Variants in NFYC observed in about 807,000 individuals in gnomAD.
NFYC encodes the protein nuclear transcription factor Y subunit gamma, also known as CAAT box DNA-binding protein subunit C.
Under a neutral mutation model 53.1 loss-of-function variants are expected in NFYC, and 25 were observed. That is an observed-to-expected ratio of 0.47 (90% confidence interval 0.34 to 0.66). The LOEUF (loss-of-function observed/expected upper bound fraction) is 0.66. Ranked by LOEUF, NFYC falls within the 30% of genes least tolerant of loss-of-function variation. NFYC has a pLI of 0.01. For missense variants in NFYC, 260 were observed against 422.7 expected (o/e 0.62, Z 3.38); for synonymous variants, 145 against 152.6 (o/e 0.95, Z 0.37).
At chr1:40,754,491 G>A (rs555768758) in intron 5 of NFYC, 3 of 518,778 alleles carry the variant, frequency 5.8e-6, no homozygotes, top group South Asian at 4.3e-5. Context: ...TTGCAGGTTT[G>A]TGCCCACAGG....
At chr1:40,735,014 T>C (rs1287070271) in intron 1 of NFYC, 2 of 152,116 alleles carry the variant, frequency 1.3e-5, no homozygotes, top group Non-Finnish European at 2.9e-5. Context: ...TGTCCAAAGA[T>C]GGGAAAGAAT....
intron 2 of NFYC, among the ~76,000 whole-genome samples, chr1:40,745,931 A>G (rs1224188017): frequency 1.3e-5 from 2 of 151,898 alleles, no homozygotes; most frequent in Non-Finnish European, 2.9e-5. Context: ...CTGGTCTCAA[A>G]CTCCTGGCCT....
intron 8 of NFYC, chr1:40,767,259 A>C: frequency 5.0e-6 from 2 of 403,018 alleles, no homozygotes; most frequent in Non-Finnish European, 9.3e-6. Context: ...CTTGCAGAAG[A>C]TGGGGGGTGC....
chr1:40,764,709 A>G (rs1646729855), intron 7 of NFYC, among the ~76,000 whole-genome samples: 1 of 152,178 alleles, frequency 6.6e-6, no homozygotes, highest in Non-Finnish European at 1.5e-5. Context: ...CCTAATAGTG[A>G]TGAGCTTCAG....
chr1:40,769,411 G>A lies in NFYC; in HGVS notation c.884G>A (p.Gly295Glu). 6.2e-7 allele frequency: 1 copy of A among 1,614,092 alleles called. No individual in the cohort carries two copies. Among genetic ancestry groups the A allele is most frequent in the Admixed American group, 1.7e-5 (1 of 60,018 alleles). Residue 295 changes from glycine to glutamate, a missense_variant, in exon 9 of 10, where the codon GGA becomes GAA. Coordinates refer to ENST00000447388, the MANE Select transcript of NFYC (RefSeq NM_014223.5). ...CAGCAGTTCAGCCAGTTCACAGATG[G>A]ACAGGTAGGGTACCCAACCTGGGCT... ...GQQQFSQFTDGQQLYQIQQVT... is the reference protein window; with the variant it reads ...GQQQFSQFTDEQQLYQIQQVT...
At chr1:40,759,488 A>C (rs1374416199) in intron 6 of NFYC, among the ~76,000 whole-genome samples, 1 of 151,716 alleles carries the variant, frequency 6.6e-6, no homozygotes, top group South Asian at 2.1e-4. Flanking sequence ...GTGAGCTGTG[A>C]TTGTGCCATT....
intron 1 of NFYC, among the ~76,000 whole-genome samples, chr1:40,730,840 A>T (rs1177957306): frequency 1.3e-5 from 2 of 152,178 alleles, no homozygotes; most frequent in Non-Finnish European, 2.9e-5. Flanking sequence ...TCTTCCCAGG[A>T]TGGTTCAACT....
chr1:40,721,405 T>G (rs1324580126), intron 1 of NFYC, among the ~76,000 whole-genome samples: 2 of 152,188 alleles, frequency 1.3e-5, no homozygotes, highest in African/African-American at 4.8e-5. Flanking sequence ...AATCTTTTGC[T>G]TGGATGGTGG....
At chr1:40,694,036 T>C (rs993934794) in intron 1 of NFYC, among the ~76,000 whole-genome samples, 4 of 80,662 alleles carry the variant, frequency 5.0e-5, no homozygotes, top group African/African-American at 2.5e-4. Context: ...TGGGGAAAAA[T>C]ATGTACAGAA....
intron 2 of NFYC, among the ~76,000 whole-genome samples, chr1:40,742,233 C>G (rs1309145740): frequency 6.6e-6 from 1 of 150,498 alleles, no homozygotes; most frequent in Non-Finnish European, 1.5e-5. Context: ...TTTTTTAAGG[C>G]AGAATCATAC....
At chr1:40,756,037 C>G (rs1041379289) in intron 5 of NFYC, among the ~76,000 whole-genome samples, 1 of 152,174 alleles carries the variant, frequency 6.6e-6, no homozygotes, top group Non-Finnish European at 1.5e-5. Flanking sequence ...TTCTGAGGCT[C>G]TCATTCCTGT....
chr1:40,739,124 C>T (rs1352149962), intron 2 of NFYC, among the ~76,000 whole-genome samples, 176 bp downstream of exon 2: 1 of 152,198 alleles, frequency 6.6e-6, no homozygotes, highest in African/African-American at 2.4e-5. Context: ...CGTGAGGTAA[C>T]TGCAAGAGTC....
intron 8 of NFYC, 84 bp downstream of exon 8, chr1:40,766,787 T>C (rs771918467): frequency 6.7e-7 from 1 of 1,500,234 alleles, no homozygotes; most frequent in East Asian, 2.3e-5. Flanking sequence ...AGCACACAGC[T>C]GTCTTGCCAC....
At chr1:40,718,010 A>T (rs75676690) in intron 1 of NFYC, among the ~76,000 whole-genome samples, 203 of 152,308 alleles carry the variant, frequency 1.3e-3, no homozygotes, top group African/African-American at 4.8e-3. Flanking sequence ...ATTATCCTCA[A>T]TCTAAAATAA....
chr1:40,723,588 T>A (rs1457805409), intron 1 of NFYC: 3 of 152,154 alleles, frequency 2.0e-5, no homozygotes, highest in Non-Finnish European at 4.4e-5. Context: ...AGTTTCCCCA[T>A]CAGTAAATCA....
At chr1:40,761,592 G>A (rs1414477936) in intron 6 of NFYC, among the ~76,000 whole-genome samples, 1 of 152,160 alleles carries the variant, frequency 6.6e-6, no homozygotes, top group African/African-American at 2.4e-5. Flanking sequence ...CCCACTGCAT[G>A]TACTTTTAGA....
rs1314562312 is a variant in NFYC at position 40,699,422 on chromosome 1, A to G, written c.-9+7555A>G. 2.6e-5 allele frequency among the ~76,000 whole-genome samples: 4 copies of G among 152,188 alleles called. No individual in the cohort carries two copies. In the East Asian group the frequency reaches 7.7e-4, roughly 29 times the overall value. ...TGATCTGTTCCTTTTAAAAGAGAAG[A>G]GAGAAGGGGCTAATAAAGTACACAT... is the stretch of plus-strand genomic sequence containing the variant. On this transcript the variant is annotated intron_variant, in intron 1 of 9. Coordinates refer to ENST00000447388, the MANE Select transcript of NFYC (RefSeq NM_014223.5).
chr1:40,742,841 A>C (rs191465731), intron 2 of NFYC, among the ~76,000 whole-genome samples: 1 of 152,280 alleles, frequency 6.6e-6, no homozygotes, highest in East Asian at 1.9e-4. Context: ...CAGGAGTGCA[A>C]CACGTGATGG....
intron 1 of NFYC, chr1:40,712,658 C>CTTTTTTTT (rs3081775): frequency 2.4e-4 from 17 of 71,062 alleles, no homozygotes; most frequent in East Asian, 4.7e-4. Flanking sequence ...GGATTAATGC[C>CTTTTTTTT]TTTTTTTTTT....
Sources: gnomAD v4.1 joint callset for allele counts (sites outside exome capture counted in the v4.1 genomes callset) on GRCh38, gnomAD v4.1.1 for gene constraint, MANE v1.5 for transcripts, NCBI Gene and HGNC (gene_info 2026-07-23, HGNC 2026-07-21) for gene names.